Variants in RBPJ observed in about 807,000 individuals in gnomAD.
RBPJ encodes recombination signal binding protein for immunoglobulin kappa J region, also known as recombining binding protein suppressor of hairless.
In RBPJ, 9 loss-of-function variants were observed where a neutral mutation model predicts 67.8. The ratio of observed to expected loss-of-function variants is 0.13; its 90% CI spans 0.08 to 0.23. The LOEUF is 0.23. Among genes scored for constraint, RBPJ ranks in the 10% least tolerant of loss-of-function variants. The pLI is 1.00. For synonymous variants in RBPJ, 198 were observed against 203.3 expected, an observed-to-expected ratio of 0.97 and a Z score of 0.22; for missense variants, 305 against 595.6, an observed-to-expected ratio of 0.51 and a Z score of 5.08.
At chr4:26,404,776 T>G (rs908422592) in intron 2 of RBPJ, among the ~76,000 whole-genome samples, 2 of 152,214 alleles carry the variant, frequency 1.3e-5, no homozygotes, top group African/African-American at 4.8e-5. Flanking sequence ...CAGTTATTGA[T>G]GCCTTTATTC....
At chr4:26,183,827 A>G (rs545213282) in intron 1 of RBPJ, among the ~76,000 whole-genome samples, 14 of 152,258 alleles carry the variant, frequency 9.2e-5, no homozygotes, top group African/African-American at 3.1e-4. Flanking sequence ...CCTGGCCAAC[A>G]TGGTGAAATC....
intron 3 of RBPJ, among the ~76,000 whole-genome samples, chr4:26,411,932 C>T (rs1214027274): frequency 2.0e-5 from 3 of 150,812 alleles, no homozygotes; most frequent in Non-Finnish European, 4.4e-5. Flanking sequence ...ATGGTGAAAC[C>T]CCATCTCTAC....
chr4:26,329,142 C>T (rs1474812985), intron 1 of RBPJ, among the ~76,000 whole-genome samples: 8 of 152,080 alleles, frequency 5.3e-5, no homozygotes, highest in African/African-American at 1.4e-4. Flanking sequence ...TACAGGCATG[C>T]GCCACCACTT....
At chr4:26,400,922 G>A (rs570191295) in intron 2 of RBPJ, among the ~76,000 whole-genome samples, 2 of 152,342 alleles carry the variant, frequency 1.3e-5, no homozygotes, top group African/African-American at 2.4e-5. Context: ...AAGATGGATA[G>A]TTGTGCACTT....
At chr4:26,218,743 T>TG (rs1490020486) in intron 1 of RBPJ, among the ~76,000 whole-genome samples, 7 of 152,280 alleles carry the variant, frequency 4.6e-5, no homozygotes, top group African/African-American at 1.4e-4. Context: ...CACTCGCTGT[T>TG]TAACCCTCAT....
chr4:26,319,975 G>A (rs879825867), upstream of RBPJ: 2 of 1,232,062 alleles, frequency 1.6e-6, no homozygotes, highest in African/African-American at 1.5e-5. Flanking sequence ...TCCGGGATCA[G>A]GCCGCCTGAA....
intron 1 of RBPJ, among the ~76,000 whole-genome samples, chr4:26,338,834 A>G (rs1031775389): frequency 6.6e-6 from 1 of 151,252 alleles, no homozygotes; most frequent in African/African-American, 2.4e-5. Context: ...CGGCCTCCCA[A>G]AGTGCTGGGA....
chr4:26,147,795 A>T, the RBPJ span, among the ~76,000 whole-genome samples: 1 of 152,190 alleles, frequency 6.6e-6, no homozygotes, highest in Non-Finnish European at 1.5e-5. Flanking sequence ...AAATCAAATA[A>T]GAGTAAACAT....
chr4:26,191,461 C>T (rs1717545238), intron 1 of RBPJ, among the ~76,000 whole-genome samples: 1 of 151,826 alleles, frequency 6.6e-6, no homozygotes, highest in Admixed American at 6.6e-5. Context: ...AAGACCACCC[C>T]AGGTTCAATG....
At chr4:26,220,665 T>C (rs545721849) in intron 1 of RBPJ, among the ~76,000 whole-genome samples, 1 of 151,554 alleles carries the variant, frequency 6.6e-6, no homozygotes, top group South Asian at 2.1e-4. Flanking sequence ...CCCTGAGCTC[T>C]GAAGGGCTAA....
At chr4:26,299,510 C>T (rs1201263023) in intron 1 of RBPJ, among the ~76,000 whole-genome samples, 1 of 152,046 alleles carries the variant, frequency 6.6e-6, no homozygotes, top group Admixed American at 6.6e-5. Flanking sequence ...GCATTTTAGG[C>T]TGTTTTCCTC....
intron 1 of RBPJ, among the ~76,000 whole-genome samples, chr4:26,210,801 TTCTTTCTTTTCTC>T: frequency 6.7e-6 from 1 of 149,674 alleles, no homozygotes; most frequent in East Asian, 1.9e-4. Flanking sequence ...CTTTCTTTCT[TTCTTTCTTTTCTC>T]CTGTGTGTCT....
intron 1 of RBPJ, among the ~76,000 whole-genome samples, chr4:26,218,484 A>C (rs1225612501): frequency 6.6e-6 from 1 of 152,108 alleles, no homozygotes; most frequent in African/African-American, 2.4e-5. Flanking sequence ...AAGTGTGAAC[A>C]TTCCTACCAG....
intron 1 of RBPJ, among the ~76,000 whole-genome samples, chr4:26,354,787 A>G (rs976704480): frequency 6.6e-6 from 1 of 152,208 alleles, no homozygotes; most frequent in Non-Finnish European, 1.5e-5. Flanking sequence ...TCAAATAATT[A>G]CAATATACAG....
intron 1 of RBPJ, among the ~76,000 whole-genome samples, chr4:26,241,083 G>T (rs1719620521): frequency 6.6e-6 from 1 of 152,052 alleles, no homozygotes; most frequent in Non-Finnish European, 1.5e-5. Context: ...TGTGGTCCCA[G>T]CTACCAGGGA....
chr4:26,227,261 G>A (rs1423226444), intron 1 of RBPJ, among the ~76,000 whole-genome samples: 1 of 152,202 alleles, frequency 6.6e-6, no homozygotes, highest in East Asian at 1.9e-4. Flanking sequence ...CTTTGGGCAG[G>A]TGGTTAAGTG....
At chr4:26,340,872 GAAAAA>G (rs535833238) in intron 1 of RBPJ, among the ~76,000 whole-genome samples, 2 of 115,490 alleles carry the variant, frequency 1.7e-5, no homozygotes, top group African/African-American at 3.2e-5. Flanking sequence ...AAAAACAAAA[GAAAAA>G]AAAAAAAGAA....
At chr4:26,297,107 C>T (rs1462180829) in intron 1 of RBPJ, among the ~76,000 whole-genome samples, 2 of 152,094 alleles carry the variant, frequency 1.3e-5, no homozygotes, top group Admixed American at 6.6e-5. Flanking sequence ...CCAGCCTAGG[C>T]AACACAGCGA....
chr4:26,430,746 T>G lies in RBPJ; in HGVS notation c.1203T>G (p.Gly401=). The G allele has an allele frequency of 6.2e-7, 1 of 1,613,852 alleles. No homozygotes were observed. Among genetic ancestry groups the G allele is most frequent in the East Asian group, 2.2e-5 (1 of 44,876 alleles). ...VVPDISAFRE[G]WRWVRQPVQV... Reference sequence around the variant, plus strand: ...CAGACATTTCTGCATTCCGAGAAGGTTGGAGATGGGTCCGGCAACCAGTCC... The same window carrying G: ...CAGACATTTCTGCATTCCGAGAAGGGTGGAGATGGGTCCGGCAACCAGTCC... The change falls in exon 11 of 11, where the codon GGT becomes GGG. Residue 401 remains glycine, a synonymous_variant. Transcript: ENST00000355476. This position sits in a 1 kb window ranked among gnomAD's most constrained non-coding sequence, Gnocchi z 4.1.
Sources: allele counts gnomAD v4.1 joint callset (sites outside exome capture counted in the v4.1 genomes callset), GRCh38; gene constraint gnomAD v4.1.1; non-coding constraint Gnocchi (gnomAD v3.1); transcripts MANE v1.5; gene names NCBI Gene and HGNC (gene_info 2026-07-23, HGNC 2026-07-21).